The following PRDM5 variants were observed in gnomAD, a reference collection of about 807,000 sequenced individuals.
The protein encoded by PRDM5 is PR/SET domain 5.
In PRDM5, 56 loss-of-function variants were observed where a neutral mutation model predicts 81.2. That is an observed-to-expected ratio of 0.69 (90% confidence interval 0.56 to 0.86). PRDM5 has a LOEUF of 0.86. Among genes scored for constraint, PRDM5 ranks in the 40% least tolerant of loss-of-function variants. The pLI, the probability that PRDM5 is intolerant of heterozygous loss-of-function variation, is 0.00. For synonymous variants in PRDM5, 267 were observed against 256.4 expected (o/e 1.04, Z -0.39); for missense variants, 697 against 770.1 (o/e 0.91, Z 1.12).
At chr4:120,814,790 G>C (rs755069079) in intron 7 of PRDM5, among the ~76,000 whole-genome samples, 2 of 152,192 alleles carry the variant, frequency 1.3e-5, no homozygotes, top group African/African-American at 2.4e-5. Flanking sequence ...CTGTGAATGA[G>C]AGAATGACAT....
At chr4:120,873,770 ATT>A (rs1762079608) in intron 2 of PRDM5, among the ~76,000 whole-genome samples, 1 of 152,158 alleles carries the variant, frequency 6.6e-6, no homozygotes, top group Non-Finnish European at 1.5e-5. Context: ...TAGGGGCTTC[ATT>A]TGCCTTTATT....
chr4:120,775,097 C>T (rs1747957128), intron 13 of PRDM5, among the ~76,000 whole-genome samples: 1 of 151,006 alleles, frequency 6.6e-6, no homozygotes, highest in Non-Finnish European at 1.5e-5. Flanking sequence ...TTTAGATAAC[C>T]AGTTCTCTTG....
chr4:120,788,018 A>T (rs776202711), intron 10 of PRDM5, among the ~76,000 whole-genome samples: 1 of 152,220 alleles, frequency 6.6e-6, no homozygotes, highest in Non-Finnish European at 1.5e-5. Context: ...TAAAGAGTAA[A>T]AACAGGCAAT....
At chr4:120,783,722 A>C (rs1749369908) in intron 11 of PRDM5, among the ~76,000 whole-genome samples, 1 of 152,160 alleles carries the variant, frequency 6.6e-6, no homozygotes, top group Admixed American at 6.6e-5. Context: ...TTAATAAGAA[A>C]ACTGGTAAGT....
In PRDM5 at chr4:120,816,937, A is replaced by G. The variant is rs1754600330; in HGVS notation, c.651-13T>C. The stretch of plus-strand genomic sequence containing the variant: ...GCACTGAAGAACACTAAAGGGAAAT[A>G]GGAAAAAGAGAAAGAAAAGAAAACA... On this transcript the variant is annotated splice_polypyrimidine_tract_variant and intron_variant, in intron 5 of 15. Coordinates refer to ENST00000264808, the MANE Select transcript of PRDM5 (RefSeq NM_018699.4). The G allele has an allele frequency of 6.3e-7, 1 of 1,596,742 alleles. No individual in the cohort carries two copies. Among genetic ancestry groups the G allele is most frequent in the Non-Finnish European group, 8.6e-7 (1 of 1,164,340 alleles).
At chr4:120,833,524 A>C (rs974662665) in intron 3 of PRDM5, among the ~76,000 whole-genome samples, 1 of 152,216 alleles carries the variant, frequency 6.6e-6, no homozygotes, top group South Asian at 2.1e-4. Flanking sequence ...GAAAGAAAAA[A>C]AAACATTAAT....
At chr4:120,696,031 C>T (rs1028708256) in intron 15 of PRDM5, among the ~76,000 whole-genome samples, 1 of 151,942 alleles carries the variant, frequency 6.6e-6, no homozygotes, top group Non-Finnish European at 1.5e-5. Flanking sequence ...TGAGGTTAGG[C>T]TTGGGAAAAC....
rs1734346200 is a variant in PRDM5, at chr4:120,694,932, G to A, written c.*179C>T. The stretch of plus-strand genomic sequence containing the variant: ...TTTTTTTCCATTTATACCATTTCTT[G>A]TTAAAAGTAAGACTTTTTTTTGGTT... On this transcript the variant is annotated 3_prime_UTR_variant, in exon 16 of 16. Coordinates refer to ENST00000264808, the MANE Select transcript of PRDM5 (RefSeq NM_018699.4). 2 of 669,974 alleles carry A rather than the reference G, an allele frequency of 3.0e-6. No individual in the cohort carries two copies. The highest frequency in any genetic ancestry group is 3.7e-5 in the South Asian group (2 of 54,142). 41.5% of individuals were successfully genotyped at this position (669,974 alleles called of 1,614,324 possible). A position where few individuals can be genotyped will look rare whatever the true frequency, so the allele number is the denominator to read the frequency against.
At position 120,853,555 on chromosome 4, in the gene PRDM5, G is replaced by C. The variant is rs1209853884; in HGVS notation, c.178-15C>G. The C allele has an allele frequency of 1.9e-6, 3 of 1,613,462 alleles. No individual in the cohort carries two copies. The highest frequency in any genetic ancestry group is 2.7e-5 in the African/African-American group (2 of 74,962). The stretch of plus-strand genomic sequence containing the variant: ...CTCCCACGAACCTGAAACATTAAAG[G>C]CTCCTGAGTTTACAATGGAAGTCAG... On this transcript the variant is annotated splice_polypyrimidine_tract_variant and intron_variant, in intron 2 of 15. Transcript: ENST00000264808.
intron 14 of PRDM5, among the ~76,000 whole-genome samples, chr4:120,723,593 A>T (rs1738943826): frequency 6.6e-6 from 1 of 152,160 alleles, no homozygotes; most frequent in African/African-American, 2.4e-5. Flanking sequence ...GCAAATTGTA[A>T]AGAAAATATA....
chr4:120,730,914 A>G (rs1214409114), intron 14 of PRDM5, among the ~76,000 whole-genome samples: 3 of 152,150 alleles, frequency 2.0e-5, no homozygotes, highest in Non-Finnish European at 4.4e-5. Flanking sequence ...ATTGTTACAA[A>G]TGGGGCTGCC....
intron 3 of PRDM5, among the ~76,000 whole-genome samples, chr4:120,822,323 C>A (rs1394186322): frequency 6.6e-6 from 1 of 152,182 alleles, no homozygotes; most frequent in African/African-American, 2.4e-5. Context: ...AAAACAGAGA[C>A]TGAATTTATT....
chr4:120,722,527 C>A (rs1007253703), intron 14 of PRDM5, among the ~76,000 whole-genome samples: 10 of 152,000 alleles, frequency 6.6e-5, no homozygotes, highest in African/African-American at 2.2e-4. Context: ...CTCCACACTT[C>A]CTACACATTG....
chr4:120,777,075 C>A, intron 13 of PRDM5, 113 bp downstream of exon 13: 1 of 1,566,282 alleles, frequency 6.4e-7, no homozygotes, highest in Middle Eastern at 1.7e-4. Flanking sequence ...GAGAAAACAG[C>A]CAAGATTAAT....
chr4:120,843,532 A>G (rs1402443141), intron 3 of PRDM5, among the ~76,000 whole-genome samples: 1 of 151,910 alleles, frequency 6.6e-6, no homozygotes, highest in Non-Finnish European at 1.5e-5. Context: ...GCAAGACCCC[A>G]TCTCTACAAT....
intron 2 of PRDM5, among the ~76,000 whole-genome samples, chr4:120,895,214 A>G (rs374469721): frequency 6.6e-6 from 1 of 152,364 alleles, no homozygotes; most frequent in South Asian, 2.1e-4. Flanking sequence ...TCTTTCCCAC[A>G]GTGCAGGTTG....
At chr4:120,748,876 A>G (rs1308351792) in intron 14 of PRDM5, among the ~76,000 whole-genome samples, 2 of 152,114 alleles carry the variant, frequency 1.3e-5, no homozygotes, top group African/African-American at 4.8e-5. Context: ...AAACCATAGC[A>G]AAACGGCCTA....
intron 10 of PRDM5, 131 bp from the exon 11 acceptor site, chr4:120,785,222 C>T: frequency 1.4e-6 from 1 of 700,616 alleles, no homozygotes; most frequent in Non-Finnish European, 2.5e-6. Context: ...CTTCTAGTGC[C>T]ATTCTTCCAC....
intron 7 of PRDM5, among the ~76,000 whole-genome samples, chr4:120,813,607 T>C (rs910013994): frequency 3.6e-4 from 55 of 152,318 alleles, no homozygotes; most frequent in African/African-American, 1.2e-3. Context: ...GCCAAGAAAA[T>C]GCTTCTCAGT....
Sources: gnomAD v4.1 joint callset for allele counts (sites outside exome capture counted in the v4.1 genomes callset) on GRCh38, gnomAD v4.1.1 for gene constraint, MANE v1.5 for transcripts, NCBI Gene and HGNC (gene_info 2026-07-23, HGNC 2026-07-21) for gene names.